ABCC4: variants seen among roughly 807,000 people sequenced by gnomAD.
The protein encoded by ABCC4 is ATP binding cassette subfamily C member 4 (PEL blood group).
ABCC4 carries 102 observed loss-of-function variants against 168.5 expected under a neutral mutation model. The ratio of observed to expected loss-of-function variants is 0.61; its 90% CI spans 0.52 to 0.71. The LOEUF (loss-of-function observed/expected upper bound fraction) is 0.71, where lower values mean the gene tolerates loss of function less well. Ranked by LOEUF, ABCC4 falls within the 30% of genes least tolerant of loss-of-function variation. The pLI is 0.00. For synonymous variants in ABCC4, 617 were observed against 590.7 expected (o/e 1.04, Z -0.65); for missense variants, 1,402 against 1,605.8 (o/e 0.87, Z 2.17).
chr13:95,272,549 G>A (rs2040871586), intron 1 of ABCC4, among the ~76,000 whole-genome samples: 1 of 152,036 alleles, frequency 6.6e-6, no homozygotes, highest in Non-Finnish European at 1.5e-5. Context: ...TAATTCAGTG[G>A]ATTATAAACT....
chr13:95,126,686 T>C (rs2035772005), intron 19 of ABCC4, among the ~76,000 whole-genome samples: 1 of 139,704 alleles, frequency 7.2e-6, no homozygotes, highest in Admixed American at 7.8e-5. Context: ...GTGTGCTAGG[T>C]TGTGTTCAAT....
rs1193357395 is a variant in ABCC4, at chr13:95,234,682, G to GTGA, written c.456_458dup (p.His153dup). ...CACACTGAACGTGATAAAAATATAA[G>GTGA]TGATGCAGTATAGCCAAAATGAGCG... On this transcript the variant is annotated inframe_insertion, in exon 4 of 31. Transcript: ENST00000645237. The GTGA allele has an allele frequency of 1.2e-6, 2 of 1,613,972 alleles. No homozygotes were observed. Among genetic ancestry groups the GTGA allele is most frequent in the Non-Finnish European group, 1.7e-6 (2 of 1,180,024 alleles).
intron 1 of ABCC4, among the ~76,000 whole-genome samples, chr13:95,294,445 C>T (rs9590234): frequency 0.017 from 2,540 of 152,216 alleles, 65 homozygotes; most frequent in African/African-American, 0.057. Flanking sequence ...TGAACAACAC[C>T]ATACATTTAC....
chr13:95,127,656 T>C (rs914790197), intron 19 of ABCC4, among the ~76,000 whole-genome samples: 2 of 152,142 alleles, frequency 1.3e-5, no homozygotes, highest in Non-Finnish European at 2.9e-5. Flanking sequence ...GGTCTCCCCT[T>C]GCATCTAGAG....
At chr13:95,042,243 C>T (rs1330817077) in intron 29 of ABCC4, among the ~76,000 whole-genome samples, 2 of 152,176 alleles carry the variant, frequency 1.3e-5, no homozygotes, top group South Asian at 2.1e-4. Context: ...ACAGAGAAAC[C>T]AGGACTGACT....
chr13:95,179,890 T>C (rs2037832930), intron 11 of ABCC4, among the ~76,000 whole-genome samples: 1 of 152,178 alleles, frequency 6.6e-6, no homozygotes, highest in Non-Finnish European at 1.5e-5. Context: ...CAAGAATTAA[T>C]AAACTCATAG....
chr13:95,277,104 G>A lies in ABCC4; in HGVS notation c.74+24137C>T, dbSNP rs75574575. 7.6e-3 allele frequency among the ~76,000 whole-genome samples: 1,161 copies of A among 152,172 alleles called. 4 individuals are homozygous for A. Among genetic ancestry groups the A allele is most frequent in the Middle Eastern group, 0.014 (4 of 294 alleles). On this transcript the variant is annotated intron_variant, in intron 1 of 30. Transcript: ENST00000645237. ...TTCTAACCAGGAATCTCAACAACAG[G>A]ACTATAGGGAAACAAGAATTATTAA...
intron 19 of ABCC4, among the ~76,000 whole-genome samples, chr13:95,144,169 T>A (rs1358352296): frequency 6.6e-6 from 1 of 151,830 alleles, no homozygotes; most frequent in African/African-American, 2.4e-5. Flanking sequence ...AACATATGAT[T>A]AATAAGATAT....
At chr13:95,233,238 T>C (rs531299401) in intron 4 of ABCC4, among the ~76,000 whole-genome samples, 1 of 151,994 alleles carries the variant, frequency 6.6e-6, no homozygotes, top group African/African-American at 2.4e-5. Context: ...TTGTATATTG[T>C]ACATTATATA....
At chr13:95,158,182 AG>A (rs2036942375) in intron 19 of ABCC4, among the ~76,000 whole-genome samples, 1 of 152,066 alleles carries the variant, frequency 6.6e-6, no homozygotes, top group South Asian at 2.1e-4. Flanking sequence ...TTGGGACCAC[AG>A]TGGGGCAGTC....
intron 3 of ABCC4, among the ~76,000 whole-genome samples, chr13:95,241,522 C>T (rs4479103): frequency 0.54 from 81,552 of 151,876 alleles, 22,710 homozygotes; most frequent in African/African-American, 0.67. Context: ...CTCCTCCTTC[C>T]TCCTGCCCCC....
At chr13:95,038,773 A>C in intron 29 of ABCC4, among the ~76,000 whole-genome samples, 1 of 152,202 alleles carries the variant, frequency 6.6e-6, no homozygotes, top group Non-Finnish European at 1.5e-5. Flanking sequence ...AATTCAGGGC[A>C]CAATTGGGTG....
At chr13:95,247,894 C>T in intron 1 of ABCC4, 141 bp from the exon 2 acceptor site, 1 of 359,146 alleles carries the variant, frequency 2.8e-6, no homozygotes, top group Admixed American at 4.4e-5. Context: ...ATATATAGAG[C>T]TAGAGAGAGA....
intron 19 of ABCC4, among the ~76,000 whole-genome samples, chr13:95,126,512 G>A (rs1047952342): frequency 1.3e-5 from 2 of 151,732 alleles, no homozygotes; most frequent in Non-Finnish European, 2.9e-5. Context: ...GTGTGAGAAC[G>A]TGACTGAACT....
rs139857528 is a variant in ABCC4 at position 95,232,503 on chromosome 13, C to G, written c.531+2107G>C. ...ACCAGCCTGGCCAACATGGTGACAC[C>G]ACGTCTCTACTAAAAATACAAAAAT... On this transcript the variant is annotated intron_variant, in intron 4 of 30. Coordinates refer to ENST00000645237, the MANE Select transcript of ABCC4 (RefSeq NM_005845.5). Among the ~76,000 whole-genome samples the G allele has an allele frequency of 1.7e-3, 261 of 152,050 alleles. 8 individuals are homozygous for G. In the East Asian group the frequency reaches 0.043, roughly 25 times the overall value.
rs74573868 is a variant in ABCC4, at chr13:95,157,499, G to GAGGAAGGAAGGA, written c.2455+3678_2455+3689dup. Among the ~76,000 whole-genome samples the GAGGAAGGAAGGA allele has an allele frequency of 3.8e-4, 56 of 149,276 alleles. 1 individual carries two copies. The highest frequency in any genetic ancestry group is 1.3e-3 in the African/African-American group (54 of 40,090). ...AACAGAGCAGGAAGAAAGGAAGAAA[G>GAGGAAGGAAGGA]AGGAAGGAAGGAAGGAAGGAAGGAG... is the stretch of plus-strand genomic sequence containing the variant. On this transcript the variant is annotated intron_variant, in intron 19 of 30. Transcript: ENST00000645237.
intron 6 of ABCC4, 53 bp from the exon 7 acceptor site, chr13:95,207,978 A>T (rs2038830380): frequency 6.3e-7 from 1 of 1,579,016 alleles, no homozygotes; most frequent in African/African-American, 1.4e-5. Context: ...GCCTGCCCTT[A>T]TCAGCGGCAG....
chr13:95,136,680 C>T (rs1235280691), intron 19 of ABCC4, among the ~76,000 whole-genome samples: 2 of 152,198 alleles, frequency 1.3e-5, no homozygotes, highest in Non-Finnish European at 2.9e-5. Flanking sequence ...AATTCCACAG[C>T]CACACATCAA....
intron 20 of ABCC4, among the ~76,000 whole-genome samples, chr13:95,090,075 C>G (rs1192969585): frequency 2.0e-5 from 3 of 152,118 alleles, no homozygotes; most frequent in Non-Finnish European, 4.4e-5. Context: ...TGGACTGCTA[C>G]TGCAGGACCT....
Sources: gnomAD v4.1 joint callset for allele counts (sites outside exome capture counted in the v4.1 genomes callset) on GRCh38, gnomAD v4.1.1 for gene constraint, MANE v1.5 for transcripts, NCBI Gene and HGNC (gene_info 2026-07-23, HGNC 2026-07-21) for gene names.